DST: variants seen among roughly 807,000 people sequenced by gnomAD.
DST encodes the protein bullous pemphigoid antigen.
In DST, 253 loss-of-function variants were observed where a neutral mutation model predicts 875.2. The ratio of observed to expected loss-of-function variants is 0.29; its 90% confidence interval spans 0.26 to 0.32. The LOEUF is 0.32. DST is among the 10% of genes least tolerant of loss of function. The pLI is 1.00. For missense variants in DST, 8,287 were observed against 9,111.6 expected, an observed-to-expected ratio of 0.91 and a Z score of 3.68; for synonymous variants, 3,124 against 3,197.1, an observed-to-expected ratio of 0.98 and a Z score of 0.77.
chr6:56,758,369 TAAAA>T (rs913888460), intron 4 of DST, among the ~76,000 whole-genome samples: 1 of 152,084 alleles, frequency 6.6e-6, no homozygotes, highest in Non-Finnish European at 1.5e-5. Context: ...GTGAAACATC[TAAAA>T]AAACATGTAA....
At chr6:56,634,333 G>C in intron 26 of DST, 75 bp from the exon 27 acceptor site, 1 of 1,609,432 alleles carries the variant, frequency 6.2e-7, no homozygotes, top group South Asian at 1.1e-5. Flanking sequence ...TTCTTTTTGT[G>C]TGAAATATTC....
At chr6:56,951,885 G>A (rs145243005) in intron 2 of DST, among the ~76,000 whole-genome samples, 111 of 152,276 alleles carry the variant, frequency 7.3e-4, no homozygotes, top group African/African-American at 2.2e-3. Context: ...AATTCTGAGC[G>A]ATGTCCTGAG....
In DST at chr6:56,509,829, G is replaced by A. The variant is rs754958682; in HGVS notation, c.18825C>T (p.Ile6275=). 6.1e-5 allele frequency: 98 copies of A among 1,613,382 alleles called. No homozygotes were observed. The highest frequency in any genetic ancestry group is 9.3e-5 in the African/African-American group (7 of 74,882). ...IDQILESLER[I]VERLRQPPSI... is the part of the protein sequence containing the mutation. ...AGGGTGGCTGCCTCAGACGTTCCAC[G>A]ATGCGTTCCAGGCTCTCAAGGATCT... Residue 6275 remains isoleucine (I), a synonymous_variant, in exon 74 of 104, where the codon ATC becomes ATT. Coordinates refer to ENST00000680361, the MANE Select transcript of DST (RefSeq NM_001374736.1).
At chr6:56,578,678 G>A (rs1356373651) in intron 50 of DST, 136 bp downstream of exon 50, 3 of 858,966 alleles carry the variant, frequency 3.5e-6, no homozygotes, top group Non-Finnish European at 5.2e-6. Context: ...TTTCCCAGAT[G>A]CAGGAACACC....
chr6:56,686,170 G>A (rs987613319), intron 9 of DST, among the ~76,000 whole-genome samples: 3 of 152,190 alleles, frequency 2.0e-5, no homozygotes, highest in Admixed American at 2.0e-4. Flanking sequence ...GCAGCTGGAA[G>A]CCATTACACT....
intron 2 of DST, among the ~76,000 whole-genome samples, chr6:56,939,841 A>G (rs893075451): frequency 6.6e-6 from 1 of 152,050 alleles, no homozygotes; most frequent in African/African-American, 2.4e-5. Context: ...CCTGGCCAAC[A>G]TGATGAAACC....
intron 10 of DST, among the ~76,000 whole-genome samples, chr6:56,662,882 G>A (rs2099052301): frequency 6.6e-6 from 1 of 152,154 alleles, no homozygotes; most frequent in East Asian, 1.9e-4. Flanking sequence ...CCGGGAGGTG[G>A]AGGTTGCAGT....
At chr6:56,756,175 C>T (rs535162956) in intron 4 of DST, among the ~76,000 whole-genome samples, 44 of 152,258 alleles carry the variant, frequency 2.9e-4, no homozygotes, top group Non-Finnish European at 5.9e-4. Flanking sequence ...CACTCCCTAT[C>T]TGGTACCGTG....
chr6:56,801,406 T>C (rs1042137765), intron 4 of DST, among the ~76,000 whole-genome samples: 5 of 152,164 alleles, frequency 3.3e-5, no homozygotes, highest in Non-Finnish European at 7.3e-5. Flanking sequence ...TCTGAGAATA[T>C]CTAATAAGAT....
chr6:56,691,682 C>T (rs2099231027), intron 9 of DST, among the ~76,000 whole-genome samples: 3 of 151,764 alleles, frequency 2.0e-5, no homozygotes, highest in Admixed American at 1.3e-4. Flanking sequence ...AAGTAAAAAC[C>T]CCAGATAAGT....
At chr6:56,738,169 T>C (rs1487530776) in intron 4 of DST, among the ~76,000 whole-genome samples, 4 of 152,228 alleles carry the variant, frequency 2.6e-5, no homozygotes, top group Admixed American at 1.3e-4. Context: ...GGTACTTATA[T>C]ACAGCCCATC....
chr6:56,475,200 G>A (rs1026862815), intron 92 of DST, among the ~76,000 whole-genome samples: 1 of 152,018 alleles, frequency 6.6e-6, no homozygotes, highest in African/African-American at 2.4e-5. Flanking sequence ...TTTGGAATAT[G>A]CAGCAAAGGC....
At chr6:56,612,579 C>T (rs1206504255) in intron 37 of DST, among the ~76,000 whole-genome samples, 3 of 152,048 alleles carry the variant, frequency 2.0e-5, no homozygotes, top group African/African-American at 7.2e-5. Flanking sequence ...TTTAAATTAG[C>T]AGAAATAAGA....
At chr6:56,757,199 A>T (rs921721527) in intron 4 of DST, among the ~76,000 whole-genome samples, 2 of 152,174 alleles carry the variant, frequency 1.3e-5, no homozygotes, top group African/African-American at 4.8e-5. Flanking sequence ...AATGGGATTT[A>T]TTTTTTTCAG....
chr6:56,822,187 TACAGAC>T (rs1336556868), intron 4 of DST, among the ~76,000 whole-genome samples: 2 of 152,108 alleles, frequency 1.3e-5, no homozygotes, highest in Non-Finnish European at 2.9e-5. Context: ...TAACTAAATA[TACAGAC>T]ACAAATTTAT....
intron 4 of DST, among the ~76,000 whole-genome samples, chr6:56,795,260 AAAAGGAAAACTCAGTG>A (rs1441759421): frequency 3.9e-5 from 6 of 152,112 alleles, no homozygotes; most frequent in Admixed American, 3.3e-4. Flanking sequence ...AGGATTACAG[AAAAGGAAAACTCAGTG>A]AAAGGGATGG....
At position 56,934,603 on chromosome 6, in the gene DST, G is replaced by T. The variant is rs148935228; in HGVS notation, c.216+19182C>A. ...ATATATATATATCGTGAGAGAGAGA[G>T]AAGGAGGGGAGAGAGAGAGAGAGAA... On this transcript the variant is annotated intron_variant, in intron 2 of 103. Coordinates refer to ENST00000680361, the MANE Select transcript of DST (RefSeq NM_001374736.1). 7.9e-3 allele frequency among the ~76,000 whole-genome samples: 966 copies of T among 122,882 alleles called. 15 individuals carry two copies. Among genetic ancestry groups the T allele is most frequent in the East Asian group, 0.035 (174 of 4,930 alleles). The allele number at this position is 122,882 out of a possible 152,430, so 80.6% of individuals were successfully genotyped here.
chr6:56,833,614 G>T (rs1223294684), intron 4 of DST, among the ~76,000 whole-genome samples: 2 of 152,024 alleles, frequency 1.3e-5, no homozygotes, highest in Non-Finnish European at 2.9e-5. Context: ...AGCTACAACA[G>T]CATATTAGAT....
intron 77 of DST, among the ~76,000 whole-genome samples, chr6:56,504,955 C>A (rs2096264292): frequency 6.6e-6 from 1 of 152,036 alleles, no homozygotes; most frequent in Non-Finnish European, 1.5e-5. Context: ...GAACTCCTGG[C>A]CTCAAGTGAT....
Sources: allele counts gnomAD v4.1 joint callset (sites outside exome capture counted in the v4.1 genomes callset), GRCh38; gene constraint gnomAD v4.1.1; transcripts MANE v1.5; gene names NCBI Gene and HGNC (gene_info 2026-07-23, HGNC 2026-07-21).